Variants in SPON1 observed in about 807,000 individuals in gnomAD.
SPON1 encodes the protein spondin 1, also known as spondin-1.
A neutral mutation model predicts 111.7 loss-of-function variants in SPON1; 52 were observed. The ratio of observed to expected loss-of-function variants is 0.47; its 90% CI spans 0.37 to 0.59. SPON1 has a LOEUF of 0.59. Ranked by LOEUF, SPON1 falls within the 20% of genes least tolerant of loss-of-function variation. The pLI is 0.00. For synonymous variants in SPON1, 410 were observed against 395.8 expected (o/e 1.04, Z -0.43); for missense variants, 957 against 1,068.5 (o/e 0.90, Z 1.46).
At chr11:14,195,522 C>T (rs1554934965) in intron 6 of SPON1, among the ~76,000 whole-genome samples, 3 of 152,270 alleles carry the variant, frequency 2.0e-5, no homozygotes, top group East Asian at 1.9e-4. Context: ...TCAAATTATG[C>T]CCATGAGCAT....
intron 5 of SPON1, among the ~76,000 whole-genome samples, chr11:14,113,634 G>C (rs1165328524): frequency 8.9e-6 from 1 of 111,958 alleles, no homozygotes; most frequent in East Asian, 2.5e-4. Flanking sequence ...ACGGAGTCTC[G>C]CTCTGTCGCC....
At chr11:14,163,678 A>T (rs148957306) in intron 6 of SPON1, among the ~76,000 whole-genome samples, 62 of 152,302 alleles carry the variant, frequency 4.1e-4, no homozygotes, top group Non-Finnish European at 7.8e-4. Flanking sequence ...GGTGAGAGAA[A>T]TACACATGCA....
At chr11:14,060,015 A>T (rs1174728033) in intron 3 of SPON1, among the ~76,000 whole-genome samples, 1 of 152,094 alleles carries the variant, frequency 6.6e-6, no homozygotes, top group Non-Finnish European at 1.5e-5. Context: ...CTCCTTATAA[A>T]ATGGGAATCA....
intron 6 of SPON1, among the ~76,000 whole-genome samples, chr11:14,160,691 TTATATATTTATATATATTTA>T (rs1216080158): frequency 2.6e-4 from 3 of 11,548 alleles, no homozygotes; most frequent in Non-Finnish European, 3.5e-4. Flanking sequence ...ATATATATAT[TTATATATTTATATATATTTA>T]TATATATTTA....
Position 14,006,203 on chromosome 11 carries a change from A to G in SPON1, c.345+23250A>G, listed in dbSNP as rs78275626. On this transcript the variant is annotated intron_variant, in intron 2 of 15. Transcript: ENST00000576479. ...TAGTGCAAGGTTAGGGCTTGAGATGAAACTAATGAATTGTCATCTAAATGC... is the reference window on the plus strand; with the variant it reads ...TAGTGCAAGGTTAGGGCTTGAGATGGAACTAATGAATTGTCATCTAAATGC... Among the ~76,000 whole-genome samples, 512 of 152,282 alleles carry G rather than the reference A, an allele frequency of 3.4e-3. 5 individuals are homozygous for G. The highest frequency in any genetic ancestry group is 0.012 in the African/African-American group (503 of 41,570).
intron 6 of SPON1, among the ~76,000 whole-genome samples, chr11:14,230,183 C>G (rs1554938516): frequency 6.6e-6 from 1 of 152,150 alleles, no homozygotes; most frequent in Non-Finnish European, 1.5e-5. Flanking sequence ...TTCCCAGGAT[C>G]CTTATTTGAT....
chr11:14,161,584 GCCGGGATTACAGGCATGA>G (rs1554931347), intron 6 of SPON1, among the ~76,000 whole-genome samples: 77 of 151,824 alleles, frequency 5.1e-4, no homozygotes, highest in African/African-American at 1.8e-3. Flanking sequence ...CTCCCAGTGT[GCCGGGATTACAGGCATGA>G]GCCACTGCAT....
At chr11:14,125,941 T>G (rs1208665232) in intron 5 of SPON1, among the ~76,000 whole-genome samples, 3 of 152,180 alleles carry the variant, frequency 2.0e-5, no homozygotes, top group Non-Finnish European at 4.4e-5. Context: ...GTTCCAGTCC[T>G]AAGGCCAGTA....
At chr11:14,203,571 C>T (rs1372809807) in intron 6 of SPON1, among the ~76,000 whole-genome samples, 1 of 152,336 alleles carries the variant, frequency 6.6e-6, no homozygotes, top group Non-Finnish European at 1.5e-5. Flanking sequence ...CCAGAACAGA[C>T]GTGACAGATG....
At chr11:14,084,239 T>C (rs2178243) in intron 5 of SPON1, among the ~76,000 whole-genome samples, 114,613 of 151,814 alleles carry the variant, frequency 0.75, 44,944 homozygotes, top group East Asian at 1. Context: ...ATCAACCCAT[T>C]ATCTAGGTTT....
chr11:14,097,844 CT>C (rs145958603), intron 5 of SPON1, among the ~76,000 whole-genome samples: 36,283 of 150,192 alleles, frequency 0.24, 5,023 homozygotes, highest in East Asian at 0.56. Context: ...ATGTTTTTGT[CT>C]TTTTTTTTTC....
Position 14,119,501 on chromosome 11 carries a change from A to G in SPON1, c.677-15919A>G, listed in dbSNP as rs191537449. Among the ~76,000 whole-genome samples, 10 of 152,282 alleles carry G rather than the reference A, an allele frequency of 6.6e-5. No individual in the cohort carries two copies. The East Asian group carries it at 1.9e-3, about 29-fold the overall frequency. On this transcript the variant is annotated intron_variant, in intron 5 of 15. Transcript: ENST00000576479. ...TTGCTTGCTGGCTAAATTGACTCTC[A>G]AAGCTTCAGAGAAGGCCATGAGTCA... is the stretch of plus-strand genomic sequence containing the variant.
At chr11:14,102,494 A>G (rs149746204) in intron 5 of SPON1, among the ~76,000 whole-genome samples, 4 of 152,338 alleles carry the variant, frequency 2.6e-5, no homozygotes, top group Non-Finnish European at 5.9e-5. Flanking sequence ...CAGACTAGCC[A>G]CATTTCAATC....
intron 6 of SPON1, among the ~76,000 whole-genome samples, chr11:14,144,521 T>G (rs1847695670): frequency 6.6e-6 from 1 of 151,780 alleles, no homozygotes; most frequent in South Asian, 2.1e-4. Flanking sequence ...TCCCAGCTAC[T>G]CAGGAGGCTG....
intron 14 of SPON1, chr11:14,262,490 G>A: frequency 1.5e-5 from 9 of 600,760 alleles, no homozygotes; most frequent in Non-Finnish European, 2.6e-5. Context: ...AGGGAGCATA[G>A]AATGGGTGAT....
In SPON1 at chr11:14,217,603, A is replaced by C. The variant is rs182966822; in HGVS notation, c.826-25729A>C. 5.6e-3 allele frequency among the ~76,000 whole-genome samples: 849 copies of C among 152,096 alleles called. 10 individuals are homozygous for C. The highest frequency in any genetic ancestry group is 6.9e-3 in the Non-Finnish European group (467 of 68,006). On this transcript the variant is annotated intron_variant, in intron 6 of 15. Transcript: ENST00000576479. ...CTTCTGTATTAAAAAGAAAGAAAAA[A>C]CACTTTTATTGAAGACAGTATGTCA...
chr11:14,016,931 C>A (rs890365199), intron 2 of SPON1, among the ~76,000 whole-genome samples: 79 of 152,310 alleles, frequency 5.2e-4, no homozygotes, highest in African/African-American at 1.7e-3. Context: ...GATCAGCAGA[C>A]TTTTGCTACC....
chr11:14,170,393 G>A (rs1412433703), intron 6 of SPON1, among the ~76,000 whole-genome samples: 4 of 152,136 alleles, frequency 2.6e-5, no homozygotes, highest in African/African-American at 9.7e-5. Flanking sequence ...AGGAGATTTT[G>A]GGCTGAGAAG....
intron 5 of SPON1, chr11:14,134,938 A>G (rs1465744657): frequency 6.6e-6 from 1 of 152,484 alleles, no homozygotes; most frequent in African/African-American, 2.4e-5. Context: ...ATGCTGAATT[A>G]GTTATGACTC....
Sources: gnomAD v4.1 joint callset for allele counts (sites outside exome capture counted in the v4.1 genomes callset) on GRCh38, gnomAD v4.1.1 for gene constraint, MANE v1.5 for transcripts, NCBI Gene and HGNC (gene_info 2026-07-23, HGNC 2026-07-21) for gene names.